Variants in AP5M1 observed in about 807,000 individuals in gnomAD.
The protein encoded by AP5M1 is adaptor related protein complex 5 subunit mu 1.
In AP5M1, 44 loss-of-function variants were observed where a neutral mutation model predicts 52.3. The ratio of observed to expected loss-of-function variants is 0.84; its 90% CI spans 0.66 to 1.08. The LOEUF is 1.08. Ranked by LOEUF, AP5M1 falls within the 50% of genes least tolerant of loss-of-function variation. AP5M1 has a pLI of 0.00. For missense variants in AP5M1, 526 were observed against 568.4 expected (o/e 0.93, Z 0.76); for synonymous variants, 213 against 199.0 (o/e 1.07, Z -0.59).
At chr14:57,283,573 G>A (rs964176000) in intron 6 of AP5M1, among the ~76,000 whole-genome samples, 4 of 152,180 alleles carry the variant, frequency 2.6e-5, no homozygotes, top group Admixed American at 1.3e-4. Context: ...GGACAACAGA[G>A]TGCGACCAGA....
At chr14:57,285,574 C>A (rs1885287068) in intron 6 of AP5M1, among the ~76,000 whole-genome samples, 1 of 152,134 alleles carries the variant, frequency 6.6e-6, no homozygotes. Context: ...CTGAAAATTA[C>A]ATTACATTCT....
intron 2 of AP5M1, among the ~76,000 whole-genome samples, chr14:57,279,705 G>C (rs1216359928): frequency 6.6e-6 from 1 of 152,140 alleles, no homozygotes; most frequent in Non-Finnish European, 1.5e-5. Context: ...AAAATAAAAA[G>C]GAGGTAGATG....
intron 2 of AP5M1, 76 bp from the exon 3 acceptor site, chr14:57,280,117 CTT>C (rs1344521880): frequency 1.3e-5 from 14 of 1,039,386 alleles, no homozygotes; most frequent in African/African-American, 4.7e-5. Flanking sequence ...GGGAAAATGA[CTT>C]TGATAAATTT....
rs1242219332 is a variant in AP5M1 at position 57,292,766 on chromosome 14, C to T, written c.*3882C>T. 6.6e-6 allele frequency: 1 copy of T among 151,702 alleles called. No homozygotes were observed. The highest frequency in any genetic ancestry group is 1.5e-5 in the Non-Finnish European group (1 of 67,784). The allele number at this position is 151,702 out of a possible 1,614,324, so 9.4% of individuals were successfully genotyped here. A position where few individuals can be genotyped will look rare whatever the true frequency, so the allele number is the denominator to read the frequency against. ...CTGCATGGTTTCTTCTCACCTTTCCCCCTACCACCACCACCACCATTAGAA... is the reference window on the plus strand; with the variant it reads ...CTGCATGGTTTCTTCTCACCTTTCCTCCTACCACCACCACCACCATTAGAA... On this transcript the variant is annotated 3_prime_UTR_variant, in exon 8 of 8. Transcript: ENST00000261558.
rs1385523661 is a variant in AP5M1 at position 57,274,786 on chromosome 14, A to T, written c.617A>T (p.Lys206Ile). ...PAWKTGTYKG[K>I]PQVSISITEK... Reference sequence around the variant, plus strand: ...TGGAAAACTGGGACGTACAAAGGAAAACCACAAGTTTCTATTTCTATCACT... The same window carrying T: ...TGGAAAACTGGGACGTACAAAGGAATACCACAAGTTTCTATTTCTATCACT... Residue 206 changes from lysine (K) to isoleucine (I), a missense_variant, in exon 2 of 8, where the codon AAA becomes ATA. Physicochemically the swap from Lys to Ile is moderately radical, Grantham distance 102. Around this residue, in one of 3 missense-constraint regions of AP5M1, gnomAD observed 425 missense variants for 430.6 expected, o/e 0.99. Coordinates refer to ENST00000261558, the MANE Select transcript of AP5M1 (RefSeq NM_018229.4). 1.9e-6 allele frequency: 3 copies of T among 1,614,184 alleles called. No homozygotes were observed. The highest frequency in any genetic ancestry group is 2.5e-6 in the Non-Finnish European group (3 of 1,180,028).
At chr14:57,278,436 G>A (rs371335101) in intron 2 of AP5M1, 1 of 152,214 alleles carries the variant, frequency 6.6e-6, no homozygotes. Context: ...TGGCCTTAAA[G>A]TAGGAGCTCA....
chr14:57,269,810 T>C (rs1426197294), intron 1 of AP5M1, among the ~76,000 whole-genome samples: 1 of 152,208 alleles, frequency 6.6e-6, no homozygotes, highest in Non-Finnish European at 1.5e-5. Context: ...CTTTTATTTT[T>C]TTGTTTTTAT....
intron 1 of AP5M1, among the ~76,000 whole-genome samples, chr14:57,269,845 G>T (rs758315697): frequency 6.6e-5 from 10 of 152,134 alleles, no homozygotes; most frequent in East Asian, 1.9e-4. Flanking sequence ...GTCTCGCTCT[G>T]TTCCCCAGGC....
At chr14:57,272,078 A>G (rs566760020) in intron 1 of AP5M1, among the ~76,000 whole-genome samples, 3 of 152,344 alleles carry the variant, frequency 2.0e-5, no homozygotes, top group African/African-American at 4.8e-5. Flanking sequence ...GCTTAAGTAA[A>G]TAAGTTTCTT....
At position 57,280,424 on chromosome 14, in the gene AP5M1, TAAC is replaced by T. The variant is rs1566516722; in HGVS notation, c.948+6_948+8del. On this transcript the variant is annotated splice_donor_5th_base_variant and intron_variant, in intron 3 of 7. Transcript: ENST00000261558. ...AACTTATGCTTCTACACTTCCCAGG[TAAC>T]AACCCTAGAATAGTTGAGAGTTTGC... 6.3e-7 allele frequency: 1 copy of T among 1,583,204 alleles called. No individual in the cohort carries two copies. Among genetic ancestry groups the T allele is most frequent in the African/African-American group, 1.3e-5 (1 of 74,326 alleles).
At chr14:57,270,369 T>A (rs1005903761) in intron 1 of AP5M1, among the ~76,000 whole-genome samples, 7 of 152,218 alleles carry the variant, frequency 4.6e-5, no homozygotes, top group African/African-American at 1.7e-4. Context: ...CCATTGATAG[T>A]TCTTTTTTGT....
chr14:57,293,964 A>G lies in AP5M1; in HGVS notation c.*5080A>G, dbSNP rs1040645385. 1 of 151,720 alleles carries G rather than the reference A, an allele frequency of 6.6e-6. No homozygotes were observed. Among genetic ancestry groups the G allele is most frequent in the African/African-American group, 2.4e-5 (1 of 41,402 alleles). 9.4% of individuals were successfully genotyped at this position (151,720 alleles called of 1,614,324 possible). A position where few individuals can be genotyped will look rare whatever the true frequency, so the allele number is the denominator to read the frequency against. ...GTTCCTTTGTGATTGAAACAAAGTGATTAAAACTCTTATGACCTGAAGGCT... is the reference window on the plus strand; with the variant it reads ...GTTCCTTTGTGATTGAAACAAAGTGGTTAAAACTCTTATGACCTGAAGGCT... On this transcript the variant is annotated 3_prime_UTR_variant, in exon 8 of 8. Coordinates refer to ENST00000261558, the MANE Select transcript of AP5M1 (RefSeq NM_018229.4).
chr14:57,291,689 T>A lies in AP5M1; in HGVS notation c.*2805T>A, dbSNP rs1885438682. 6.6e-6 allele frequency: 1 copy of A among 151,904 alleles called. No homozygotes were observed. 9.4% of individuals were successfully genotyped at this position (151,904 alleles called of 1,614,324 possible). A position where few individuals can be genotyped will look rare whatever the true frequency, so the allele number is the denominator to read the frequency against. On this transcript the variant is annotated 3_prime_UTR_variant, in exon 8 of 8. Transcript: ENST00000261558. ...CATTTTTTTCACACCAATTCAGTAT[T>A]TCTACTAGGTTAAAATTATGGTGTT...
chr14:57,285,679 T>C (rs1162945664), intron 6 of AP5M1, among the ~76,000 whole-genome samples: 1 of 152,208 alleles, frequency 6.6e-6, no homozygotes. Context: ...GATAAACTGA[T>C]GTTTCTGTTT....
rs1006898947 is a variant in AP5M1, at chr14:57,268,988, G to A, written c.-327G>A. ...CCGAAAAAAGGCTCGACGCTACCGTGTATGAGGAACTTTGATCCTTGCGGG... is the reference window on the plus strand; with the variant it reads ...CCGAAAAAAGGCTCGACGCTACCGTATATGAGGAACTTTGATCCTTGCGGG... On this transcript the variant is annotated 5_prime_UTR_variant, in exon 1 of 8. Transcript: ENST00000261558. 5.3e-6 allele frequency: 3 copies of A among 564,932 alleles called. No individual in the cohort carries two copies. The highest frequency in any genetic ancestry group is 2.3e-5 in the South Asian group (1 of 43,760). The allele number at this position is 564,932 out of a possible 1,614,324, so 35.0% of individuals were successfully genotyped here.
At chr14:57,282,855 C>T in intron 4 of AP5M1, 79 bp from the exon 5 acceptor site, 2 of 880,828 alleles carry the variant, frequency 2.3e-6, no homozygotes, top group Non-Finnish European at 3.5e-6. Context: ...TATTAAGTAA[C>T]AGTGGCCAAG....
rs1885198118 is a variant in AP5M1 at position 57,282,212 on chromosome 14, A to G, written c.1072A>G (p.Ile358Val). The G allele has an allele frequency of 6.5e-7, 1 of 1,545,878 alleles. No individual in the cohort carries two copies. The highest frequency in any genetic ancestry group is 2.2e-5 in the Admixed American group (1 of 44,926). ...TAATTTTGAATTCTGTGAAGCCCAT[A>G]TACCTTTTTACAATAGGTAGGAATA... is the stretch of plus-strand genomic sequence containing the variant. ...KNNFEFCEAH[I>V]PFYNRGPITH... Residue 358 changes from isoleucine (I) to valine (V), a missense_variant, in exon 4 of 8, where the codon ATA (isoleucine) becomes GTA (valine). This residue lies in a region of AP5M1 where 425 missense variants were observed against 430.6 expected (regional missense o/e 0.99). Coordinates refer to ENST00000261558, the MANE Select transcript of AP5M1 (RefSeq NM_018229.4).
chr14:57,281,726 C>T (rs1262655600), intron 3 of AP5M1, among the ~76,000 whole-genome samples: 4 of 152,220 alleles, frequency 2.6e-5, no homozygotes, highest in Non-Finnish European at 4.4e-5. Context: ...TACTGCTGAA[C>T]GATGGGATTG....
In AP5M1 at chr14:57,294,627, G is replaced by C. The variant is rs1013138444; in HGVS notation, c.*5743G>C. 2 of 151,866 alleles carry C rather than the reference G, an allele frequency of 1.3e-5. No individual in the cohort carries two copies. The highest frequency in any genetic ancestry group is 2.9e-5 in the Non-Finnish European group (2 of 67,820). The allele number at this position is 151,866 out of a possible 1,614,324, so 9.4% of individuals were successfully genotyped here. ...CACTGGTTTTATAGGTGTGTTTAGTGTGAAGAATGTGATACCATTGAACTT... is the reference window on the plus strand; with the variant it reads ...CACTGGTTTTATAGGTGTGTTTAGTCTGAAGAATGTGATACCATTGAACTT... On this transcript the variant is annotated 3_prime_UTR_variant, in exon 8 of 8. Transcript: ENST00000261558.
Sources: allele counts gnomAD v4.1 joint callset (sites outside exome capture counted in the v4.1 genomes callset), GRCh38; gene constraint gnomAD v4.1.1; regional missense constraint gnomAD v4.1.1; transcripts MANE v1.5; gene names NCBI Gene and HGNC (gene_info 2026-07-23, HGNC 2026-07-21).